The following KDM4C variants were observed in gnomAD, a reference collection of about 807,000 sequenced individuals.
The protein encoded by KDM4C is lysine demethylase 4C.
In KDM4C, 81 loss-of-function variants were observed where a neutral mutation model predicts 129.3. The ratio of observed to expected loss-of-function variants is 0.63; its 90% CI spans 0.52 to 0.75. The LOEUF (loss-of-function observed/expected upper bound fraction) is 0.75. Among genes scored for constraint, KDM4C ranks in the 30% least tolerant of loss-of-function variants. KDM4C has a pLI of 0.00. For missense variants in KDM4C, 1,457 were observed against 1,304.0 expected, an observed-to-expected ratio of 1.12 and a Z score of -1.81; for synonymous variants, 573 against 456.1, an observed-to-expected ratio of 1.26 and a Z score of -3.26.
intron 12 of KDM4C, among the ~76,000 whole-genome samples, chr9:7,006,530 G>C (rs946914408): frequency 1.3e-5 from 2 of 152,014 alleles, no homozygotes; most frequent in African/African-American, 2.4e-5. Flanking sequence ...AATAGCTTTG[G>C]AGATGCATTT....
chr9:6,824,179 G>C (rs1431368917), intron 4 of KDM4C, among the ~76,000 whole-genome samples: 1 of 152,200 alleles, frequency 6.6e-6, no homozygotes, highest in African/African-American at 2.4e-5. Context: ...AACAGAGGAT[G>C]AAGGTTACTT....
intron 1 of KDM4C, among the ~76,000 whole-genome samples, chr9:6,738,158 A>G (rs954330566): frequency 6.8e-6 from 1 of 147,668 alleles, no homozygotes; most frequent in Admixed American, 6.9e-5. Context: ...ACTAAACTAA[A>G]CTAAACTAAA....
intron 2 of KDM4C, among the ~76,000 whole-genome samples, chr9:6,799,646 T>C (rs575222348): frequency 1.1e-4 from 16 of 146,932 alleles, no homozygotes; most frequent in East Asian, 3.9e-4. Context: ...TCTTTTCTTT[T>C]TTTTTTTTTT....
At chr9:6,992,301 T>C (rs1586762535) in intron 12 of KDM4C, among the ~76,000 whole-genome samples, 1 of 152,300 alleles carries the variant, frequency 6.6e-6, no homozygotes, top group East Asian at 1.9e-4. Context: ...GAGTTTCTTT[T>C]TGGAAAGCAG....
chr9:7,142,684 A>C (rs900779299), intron 19 of KDM4C, among the ~76,000 whole-genome samples: 4 of 152,242 alleles, frequency 2.6e-5, no homozygotes, highest in African/African-American at 9.7e-5. Flanking sequence ...ATATTTAATA[A>C]TTGTAGATGT....
At position 6,828,267 on chromosome 9, in the gene KDM4C, C is replaced by A. The variant is rs1184059843; in HGVS notation, c.435+13522C>A. Among the ~76,000 whole-genome samples the A allele has an allele frequency of 2.6e-5, 4 of 152,182 alleles. No individual in the cohort carries two copies. In the East Asian group the frequency reaches 7.8e-4, roughly 30 times the overall value. The stretch of plus-strand genomic sequence containing the variant: ...GGTTCAGGCCATTCTCCTGTCTCAG[C>A]CTCCCGAATAGCTGGGACTACAGGA... On this transcript the variant is annotated intron_variant, in intron 4 of 21. Transcript: ENST00000381309.
At position 6,954,992 on chromosome 9, in the gene KDM4C, G is replaced by A. The variant is rs569270350; in HGVS notation, c.922-25933G>A. ...TCAGGGACTTTCTGTTGGAAGAGTG[G>A]GAACTCTTTATTAGTTTGCTAACGT... is the stretch of plus-strand genomic sequence containing the variant. On this transcript the variant is annotated intron_variant, in intron 8 of 21. Transcript: ENST00000381309. 2.0e-4 allele frequency among the ~76,000 whole-genome samples: 30 copies of A among 152,272 alleles called. No individual in the cohort carries two copies. The South Asian group carries it at 5.0e-3, about 25-fold the overall frequency.
At chr9:7,167,476 AG>A (rs1300195036) in intron 20 of KDM4C, among the ~76,000 whole-genome samples, 1 of 152,204 alleles carries the variant, frequency 6.6e-6, no homozygotes, top group East Asian at 1.9e-4. Context: ...CTATCAACTA[AG>A]TTGGGTAAAT....
At chr9:7,106,584 A>T (rs532114195) in intron 18 of KDM4C, among the ~76,000 whole-genome samples, 2 of 152,162 alleles carry the variant, frequency 1.3e-5, no homozygotes, top group African/African-American at 2.4e-5. Flanking sequence ...ATTTCTCCCA[A>T]TTATTTGCTA....
At chr9:6,978,275 C>T (rs1454910873) in intron 8 of KDM4C, among the ~76,000 whole-genome samples, 1 of 152,188 alleles carries the variant, frequency 6.6e-6, no homozygotes, top group Non-Finnish European at 1.5e-5. Context: ...TACAGTTTCT[C>T]AGCAAATTGA....
chr9:6,932,268 G>T (rs1264371643), intron 8 of KDM4C, among the ~76,000 whole-genome samples: 3 of 152,150 alleles, frequency 2.0e-5, no homozygotes, highest in African/African-American at 7.2e-5. Flanking sequence ...AGGGAGGACT[G>T]TGTGTAGCAT....
At position 7,169,794 on chromosome 9, in the gene KDM4C, T is replaced by C. The variant is rs373303620; in HGVS notation, c.2902-4T>C. 6.3e-7 allele frequency: 1 copy of C among 1,596,876 alleles called. No homozygotes were observed. The highest frequency in any genetic ancestry group is 2.2e-5 in the East Asian group (1 of 44,454). On this transcript the variant is annotated splice_polypyrimidine_tract_variant and splice_region_variant and intron_variant, in intron 20 of 21. Transcript: ENST00000381309. ...ATGTATCATGTTATATTATCTTTCA[T>C]TAGGTTGAGTTTGAAGATGGATCCC...
intron 8 of KDM4C, among the ~76,000 whole-genome samples, chr9:6,949,835 G>A (rs1306128618): frequency 7.2e-6 from 1 of 138,318 alleles, no homozygotes; most frequent in Non-Finnish European, 1.5e-5. Context: ...GACCGTGGAG[G>A]GAGAGGGAGA....
chr9:7,047,939 T>G (rs569164500), intron 16 of KDM4C, among the ~76,000 whole-genome samples: 60 of 152,210 alleles, frequency 3.9e-4, no homozygotes, highest in African/African-American at 1.4e-3. Context: ...TTTAGCATAA[T>G]TCTTTACATG....
intron 5 of KDM4C, among the ~76,000 whole-genome samples, chr9:6,863,487 C>T (rs767044442): frequency 6.6e-6 from 1 of 152,012 alleles, no homozygotes; most frequent in Non-Finnish European, 1.5e-5. Context: ...CCAGCATGTA[C>T]AGAGATCACA....
At chr9:7,098,645 G>A (rs1836723068) in intron 17 of KDM4C, among the ~76,000 whole-genome samples, 1 of 152,114 alleles carries the variant, frequency 6.6e-6, no homozygotes, top group South Asian at 2.1e-4. Context: ...TTGCTTTTCA[G>A]TGTCCTCCAT....
intron 5 of KDM4C, among the ~76,000 whole-genome samples, chr9:6,864,704 C>G (rs1841603446): frequency 1.3e-5 from 2 of 151,198 alleles, no homozygotes; most frequent in Non-Finnish European, 2.9e-5. Flanking sequence ...GTTGTTATTT[C>G]TTTGAGTAAG....
chr9:7,035,576 A>C, intron 15 of KDM4C, among the ~76,000 whole-genome samples: 1 of 151,908 alleles, frequency 6.6e-6, no homozygotes, highest in Non-Finnish European at 1.5e-5. Context: ...AATGTCCTGA[A>C]GTGTTTCCCT....
intron 19 of KDM4C, among the ~76,000 whole-genome samples, chr9:7,162,163 G>C (rs1006846097): frequency 2.6e-5 from 4 of 152,200 alleles, no homozygotes; most frequent in Admixed American, 2.0e-4. Context: ...TTTTGGAGGT[G>C]GGGGAGGCAC....
Sources: allele counts gnomAD v4.1 joint callset (sites outside exome capture counted in the v4.1 genomes callset), GRCh38; gene constraint gnomAD v4.1.1; transcripts MANE v1.5; gene names NCBI Gene and HGNC (gene_info 2026-07-23, HGNC 2026-07-21).